Variants in NT5C2 observed in about 807,000 individuals in gnomAD.
NT5C2 encodes the protein cytosolic purine 5'-nucleotidase.
A neutral mutation model predicts 76.1 loss-of-function variants in NT5C2; 58 were observed. The ratio of observed to expected loss-of-function variants is 0.76; its 90% confidence interval spans 0.62 to 0.95. NT5C2 has a LOEUF of 0.95. Among genes scored for constraint, NT5C2 ranks in the 40% least tolerant of loss-of-function variants. The pLI, the probability that NT5C2 is intolerant of heterozygous loss-of-function variation, is 0.00. For missense variants in NT5C2, 478 were observed against 690.3 expected, an observed-to-expected ratio of 0.69 and a Z score of 3.45; for synonymous variants, 229 against 237.4, an observed-to-expected ratio of 0.96 and a Z score of 0.32.
At chr10:103,169,687 AT>A (rs1428513116) in intron 3 of NT5C2, among the ~76,000 whole-genome samples, 22 of 151,462 alleles carry the variant, frequency 1.5e-4, no homozygotes, top group African/African-American at 5.1e-4. Context: ...TCTACATTTA[AT>A]TTTTTTTTCA....
At chr10:103,093,053 A>G in intron 15 of NT5C2, 86 bp downstream of exon 15, 1 of 1,212,816 alleles carries the variant, frequency 8.2e-7, no homozygotes, top group Middle Eastern at 2.0e-4. Context: ...GACTTCCTGA[A>G]TACAAAGTAA....
intron 6 of NT5C2, among the ~76,000 whole-genome samples, chr10:103,104,031 T>C (rs991313706): frequency 1.3e-5 from 2 of 152,078 alleles, no homozygotes; most frequent in African/African-American, 4.8e-5. Flanking sequence ...TTTTTGATAT[T>C]TGTAGAGATA....
At chr10:103,161,135 T>C (rs1350519914) in intron 3 of NT5C2, among the ~76,000 whole-genome samples, 4 of 152,216 alleles carry the variant, frequency 2.6e-5, no homozygotes, top group Non-Finnish European at 5.9e-5. Flanking sequence ...ACCCAAATGT[T>C]AAGCAACAGA....
intron 4 of NT5C2, among the ~76,000 whole-genome samples, chr10:103,132,726 T>A (rs146569383): frequency 0.035 from 5,345 of 152,092 alleles, 134 homozygotes; most frequent in Non-Finnish European, 0.052. Flanking sequence ...ATTTTTGTAT[T>A]TTTTTAGTAG....
At chr10:103,178,271 G>A (rs1209903299) in intron 2 of NT5C2, among the ~76,000 whole-genome samples, 1 of 152,224 alleles carries the variant, frequency 6.6e-6, no homozygotes, top group South Asian at 2.1e-4. Flanking sequence ...ACACAGACCA[G>A]GCGCAGTGGC....
intron 3 of NT5C2, among the ~76,000 whole-genome samples, chr10:103,158,234 C>A (rs934745096): frequency 6.6e-6 from 1 of 151,790 alleles, no homozygotes; most frequent in Non-Finnish European, 1.5e-5. Flanking sequence ...AAGCAGTGCT[C>A]AGAAGAAAAT....
At chr10:103,102,795 T>C (rs1486917422) in intron 6 of NT5C2, among the ~76,000 whole-genome samples, 2 of 152,090 alleles carry the variant, frequency 1.3e-5, no homozygotes, top group African/African-American at 4.8e-5. Flanking sequence ...TTAGTGATAC[T>C]AAGTTTGAAG....
chr10:103,129,540 C>T (rs2077552519), intron 4 of NT5C2, among the ~76,000 whole-genome samples: 1 of 130,234 alleles, frequency 7.7e-6, no homozygotes. Flanking sequence ...GGTCAGCCCC[C>T]CGCCCGGCCA....
At chr10:103,137,441 T>A (rs1320468418) in intron 4 of NT5C2, among the ~76,000 whole-genome samples, 1 of 152,240 alleles carries the variant, frequency 6.6e-6, no homozygotes, top group African/African-American at 2.4e-5. Flanking sequence ...ATGTATTACT[T>A]GTTTGGTAAA....
chr10:103,104,179 G>A (rs892783335), intron 6 of NT5C2, among the ~76,000 whole-genome samples: 9 of 152,204 alleles, frequency 5.9e-5, no homozygotes, highest in Non-Finnish European at 1.2e-4. Context: ...ACTGCACAGT[G>A]CTAAGTGCTA....
chr10:103,095,917 T>C, intron 12 of NT5C2, 22 bp downstream of exon 12: 3 of 1,595,648 alleles, frequency 1.9e-6, no homozygotes, highest in Non-Finnish European at 2.6e-6. Flanking sequence ...AAAGCAGTGG[T>C]CTATTGAGTC....
intron 1 of NT5C2, among the ~76,000 whole-genome samples, chr10:103,185,344 TA>T (rs34394526): frequency 8.7e-4 from 127 of 146,750 alleles, no homozygotes; most frequent in Admixed American, 1.6e-3. Flanking sequence ...AATACTCCTT[TA>T]AAAAAAAAAA....
At chr10:103,139,522 A>G (rs1426762404) in intron 3 of NT5C2, 43 bp from the exon 4 acceptor site, 1 of 1,283,232 alleles carries the variant, frequency 7.8e-7, no homozygotes, top group Admixed American at 2.4e-5. Context: ...ACTGGAAAAT[A>G]AATTCTCAAG....
intron 9 of NT5C2, among the ~76,000 whole-genome samples, chr10:103,099,494 A>T (rs1379303895): frequency 6.6e-6 from 1 of 152,258 alleles, no homozygotes; most frequent in Non-Finnish European, 1.5e-5. Context: ...TTCAAAATAT[A>T]AAACAGTTTC....
chr10:103,123,546 A>G (rs1352084618), intron 4 of NT5C2, among the ~76,000 whole-genome samples: 1 of 152,128 alleles, frequency 6.6e-6, no homozygotes, highest in East Asian at 1.9e-4. Flanking sequence ...AGTAATCCCT[A>G]CCTCAGCAGG....
At chr10:103,182,009 CAA>C (rs372557039) in intron 1 of NT5C2, among the ~76,000 whole-genome samples, 20 of 124,734 alleles carry the variant, frequency 1.6e-4, no homozygotes, top group Admixed American at 1.7e-4. Context: ...GACTCTATCT[CAA>C]AAAAAAAAAA....
chr10:103,138,745 C>T lies in NT5C2; in HGVS notation c.175+661G>A, dbSNP rs545831223. ...CATACTGTCCGGGTGCAGTGGCTCA[C>T]GCCTGTAAACCCAGCACTTTGGAAG... On this transcript the variant is annotated intron_variant, in intron 4 of 18. Transcript: ENST00000404739. Among the ~76,000 whole-genome samples, 31 of 152,274 alleles carry T rather than the reference C, an allele frequency of 2.0e-4. No homozygotes were observed. In the South Asian group the frequency reaches 2.3e-3, roughly 11 times the overall value.
chr10:103,089,860 T>C lies in NT5C2; in HGVS notation c.1498A>G (p.Met500Val). 6.2e-7 allele frequency: 1 copy of C among 1,613,930 alleles called. No individual in the cohort carries two copies. Among genetic ancestry groups the C allele is most frequent in the Non-Finnish European group, 8.5e-7 (1 of 1,179,916 alleles). ...VEHTHVDINE[M>V]ESPLATRNRT... ...TTCCGGGTGGCAAGAGGAGACTCCA[T>C]CTCATTGATATCTACGTGTGTGTGC... is the stretch of plus-strand genomic sequence containing the variant. Residue 500 changes from methionine to valine, a missense_variant, in exon 19 of 19, where the codon ATG becomes GTG. Coordinates refer to ENST00000404739, the MANE Select transcript of NT5C2 (RefSeq NM_001351169.2).
intron 3 of NT5C2, among the ~76,000 whole-genome samples, chr10:103,156,279 A>C (rs1240212136): frequency 1.3e-5 from 2 of 152,234 alleles, no homozygotes; most frequent in Non-Finnish European, 2.9e-5. Context: ...ACTATCAGGA[A>C]TGAAAAGGCC....
Sources: gnomAD v4.1 joint callset for allele counts (sites outside exome capture counted in the v4.1 genomes callset) on GRCh38, gnomAD v4.1.1 for gene constraint, MANE v1.5 for transcripts, NCBI Gene and HGNC (gene_info 2026-07-23, HGNC 2026-07-21) for gene names.